Variants in CRHR2 observed in about 807,000 individuals in gnomAD.
CRHR2 encodes the protein corticotropin-releasing hormone receptor 2.
In CRHR2, 53 loss-of-function variants were observed where a neutral mutation model predicts 57.9. That is an observed-to-expected ratio of 0.92 (90% CI 0.73 to 1.15). The LOEUF (loss-of-function observed/expected upper bound fraction) is 1.15. Ranked by LOEUF, CRHR2 falls within the 50% of genes most tolerant of loss-of-function variation. CRHR2 has a pLI of 0.00. For missense variants in CRHR2, 532 were observed against 542.6 expected (o/e 0.98, Z 0.19); for synonymous variants, 213 against 220.9 (o/e 0.96, Z 0.32).
rs1271899323 is a variant in CRHR2, at chr7:30,667,283, C to T, written c.260G>A (p.Gly87Glu). 2 of 1,614,060 alleles carry T rather than the reference C, an allele frequency of 1.2e-6. No individual in the cohort carries two copies. Among genetic ancestry groups the T allele is most frequent in the Non-Finnish European group, 1.7e-6 (2 of 1,180,036 alleles). Reference sequence around the variant, plus strand: ...GTAGTTGATCTTTGAGGCCCACGTCCCATTCTCCAAGCATTCTCGATAGGC... The same window carrying T: ...GTAGTTGATCTTTGAGGCCCACGTCTCATTCTCCAAGCATTCTCGATAGGC... ...RNAYRECLEN[G>E]TWASKINYSQ... Residue 87 changes from glycine (G) to glutamate (E), a missense_variant, in exon 3 of 12, where the codon GGG becomes GAG. Gly to Glu is a moderately conservative substitution (Grantham distance 98). Coordinates refer to ENST00000471646, the MANE Select transcript of CRHR2 (RefSeq NM_001883.5).
rs140917893 is a variant in CRHR2, at chr7:30,662,744, G to A, written c.647C>T (p.Thr216Ile). The A allele has an allele frequency of 3.1e-6, 5 of 1,614,216 alleles. No individual in the cohort carries two copies. The Admixed American group carries it at 8.3e-5, about 27-fold the overall frequency. ...CTTGCGCAGGCGCTCAGTGGAGTAG[G>A]TCATGACAATGGCCGTGTGCAGGTA... The part of the protein sequence containing the change: ...GCYLHTAIVM[T>I]YSTERLRKCL... The change falls in exon 6 of 12, where the codon ACC becomes ATC. Residue 216 changes from threonine to isoleucine, a missense_variant. Thr to Ile is a moderately conservative substitution (Grantham distance 89). Transcript: ENST00000471646.
chr7:30,671,802 G>GTGATGATGA (rs10577644), intron 2 of CRHR2, among the ~76,000 whole-genome samples: 40 of 143,970 alleles, frequency 2.8e-4, no homozygotes, highest in Middle Eastern at 3.5e-3. Flanking sequence ...GTGAGACCCT[G>GTGATGATGA]TGATGATGAT....
intron 1 of CRHR2, among the ~76,000 whole-genome samples, chr7:30,691,560 T>A (rs999836449): frequency 2.0e-5 from 3 of 152,208 alleles, no homozygotes; most frequent in African/African-American, 7.2e-5. Flanking sequence ...GCTGTGGCCA[T>A]CTTCTGGCTG....
At chr7:30,693,145 T>C (rs892494295) in intron 1 of CRHR2, among the ~76,000 whole-genome samples, 1 of 152,082 alleles carries the variant, frequency 6.6e-6, no homozygotes, top group African/African-American at 2.4e-5. Flanking sequence ...GATGAGGAAT[T>C]ATAAATATTA....
intron 11 of CRHR2, chr7:30,654,568 A>G (rs889361194): frequency 3.0e-6 from 3 of 994,422 alleles, no homozygotes; most frequent in Admixed American, 2.5e-5. Flanking sequence ...GGGCCTCATG[A>G]TTGGCTTGCA....
Position 30,660,588 on chromosome 7 carries a change from G to A in CRHR2, c.816C>T (p.Ile272=). The change falls in exon 8 of 12, where the codon ATC becomes ATT. Residue 272 remains isoleucine, a synonymous_variant. Transcript: ENST00000471646. ...GAGGGCTTACCAGGAGCACGAGAAT[G>A]ATGGGGCCTTGGTAGATGTAGTCCA... ...DLVDYIYQGP[I]ILVLLINFVF... is the part of the protein sequence containing the mutation. 6.4e-7 allele frequency: 1 copy of A among 1,567,670 alleles called. No individual in the cohort carries two copies. Among genetic ancestry groups the A allele is most frequent in the Non-Finnish European group, 8.7e-7 (1 of 1,155,836 alleles).
chr7:30,682,327 G>A lies in CRHR2; in HGVS notation c.-47C>T. ...GAGAGGGAGTGGGAGTGCGCGCCCG[G>A]CGTGACTGCGAGGGAGTGGACGCGA... On this transcript the variant is annotated 5_prime_UTR_variant, in exon 1 of 12. Coordinates refer to ENST00000471646, the MANE Select transcript of CRHR2 (RefSeq NM_001883.5). 1 of 1,498,480 alleles carries A rather than the reference G, an allele frequency of 6.7e-7. No individual in the cohort carries two copies. The highest frequency in any genetic ancestry group is 8.9e-7 in the Non-Finnish European group (1 of 1,128,258). 92.8% of individuals were successfully genotyped at this position (1,498,480 alleles called of 1,614,324 possible). A position where few individuals can be genotyped will look rare whatever the true frequency, so the allele number is the denominator to read the frequency against.
intron 2 of CRHR2, among the ~76,000 whole-genome samples, chr7:30,687,486 G>T (rs919378995): frequency 2.6e-5 from 4 of 152,006 alleles, no homozygotes; most frequent in Non-Finnish European, 4.4e-5. Flanking sequence ...TGAACATGAG[G>T]CTCTATGAAT....
intron 1 of CRHR2, among the ~76,000 whole-genome samples, chr7:30,696,269 A>G (rs1487439102): frequency 2.0e-5 from 3 of 152,190 alleles, no homozygotes; most frequent in East Asian, 1.9e-4. Context: ...AAAATAACTA[A>G]AAGTATAATT....
chr7:30,682,576 TC>T, upstream of CRHR2: 1 of 1,111,172 alleles, frequency 9.0e-7, no homozygotes, highest in Non-Finnish European at 1.1e-6. Flanking sequence ...GGGCTCAGTC[TC>T]CAGCCCCCGG....
rs148935272 is a variant in CRHR2, at chr7:30,659,217, C to T, written c.831+1356G>A. 2.3e-3 allele frequency among the ~76,000 whole-genome samples: 355 copies of T among 152,340 alleles called. 4 individuals carry two copies. Among genetic ancestry groups the T allele is most frequent in the African/African-American group, 8.1e-3 (337 of 41,580 alleles). ...GAAGGAAAGGGCTCGTGAGCACAGA[C>T]GCAGGGGTGGAGCCAGAGAATGGGT... On this transcript the variant is annotated intron_variant, in intron 8 of 11. Transcript: ENST00000471646.
chr7:30,693,709 C>A (rs1038112489), intron 1 of CRHR2, among the ~76,000 whole-genome samples: 2 of 152,236 alleles, frequency 1.3e-5, no homozygotes, highest in East Asian at 3.9e-4. Flanking sequence ...GAATTGGGGG[C>A]AGTCTTGTGG....
chr7:30,683,812 A>G (rs1293450382), upstream of CRHR2, among the ~76,000 whole-genome samples: 1 of 152,192 alleles, frequency 6.6e-6, no homozygotes, highest in Non-Finnish European at 1.5e-5. Context: ...CTCAGAAACC[A>G]GTCCTGTTCC....
chr7:30,682,051 G>A lies in CRHR2; in HGVS notation c.104-11C>T. ...AGTAGGAGTAGGGACCTGGCGGCGG[G>A]AGAGAGCGCAGTAGGGCTCAGAGGG... is the stretch of plus-strand genomic sequence containing the variant. On this transcript the variant is annotated splice_polypyrimidine_tract_variant and intron_variant, in intron 1 of 11. Transcript: ENST00000471646. 1 of 1,574,268 alleles carries A rather than the reference G, an allele frequency of 6.4e-7. No individual in the cohort carries two copies. The highest frequency in any genetic ancestry group is 8.6e-7 in the Non-Finnish European group (1 of 1,160,164).
intron 1 of CRHR2, among the ~76,000 whole-genome samples, chr7:30,690,169 T>C (rs1033194991): frequency 2.0e-5 from 3 of 152,278 alleles, no homozygotes; most frequent in Non-Finnish European, 2.9e-5. Context: ...TTTTACGGCA[T>C]GTACGATTTA....
exon 2 of CRHR2, chr7:30,689,245 A>C: frequency 1.9e-6 from 3 of 1,550,468 alleles, no homozygotes; most frequent in Non-Finnish European, 2.6e-6. Context: ...AGAAGTGCCC[A>C]CAGGGGCTGG....
intron 2 of CRHR2, among the ~76,000 whole-genome samples, chr7:30,676,813 G>T (rs113213343): frequency 1.3e-5 from 2 of 152,244 alleles, no homozygotes; most frequent in African/African-American, 4.8e-5. Flanking sequence ...AACACAATCA[G>T]TGCTTAAGCA....
intron 1 of CRHR2, among the ~76,000 whole-genome samples, chr7:30,696,431 A>C (rs1197813789): frequency 6.6e-6 from 1 of 152,202 alleles, no homozygotes; most frequent in Admixed American, 6.5e-5. Context: ...AATTAAAAAT[A>C]AAAATTAAGG....
At chr7:30,663,422 G>A (rs533684890) in intron 5 of CRHR2, among the ~76,000 whole-genome samples, 9 of 152,234 alleles carry the variant, frequency 5.9e-5, no homozygotes, top group East Asian at 1.9e-4. Flanking sequence ...CAAAGTACAC[G>A]GCCCCCGGCA....
Sources: allele counts gnomAD v4.1 joint callset (sites outside exome capture counted in the v4.1 genomes callset), GRCh38; gene constraint gnomAD v4.1.1; transcripts MANE v1.5; gene names NCBI Gene and HGNC (gene_info 2026-07-23, HGNC 2026-07-21).